The following LTBP2 variants were observed in gnomAD, a reference collection of about 807,000 sequenced individuals.
LTBP2 encodes latent transforming growth factor beta binding protein 2, also known as latent-transforming growth factor beta-binding protein 2.
Under a neutral mutation model 210.6 loss-of-function variants are expected in LTBP2, and 103 were observed. The ratio of observed to expected loss-of-function variants is 0.49; its 90% CI spans 0.42 to 0.58. The LOEUF is 0.58. Among genes scored for constraint, LTBP2 ranks in the 20% least tolerant of loss-of-function variants. The pLI, the probability that LTBP2 is intolerant of heterozygous loss-of-function variation, is 0.00. For synonymous variants in LTBP2, 1,007 were observed against 1,015.0 expected (o/e 0.99, Z 0.15); for missense variants, 2,313 against 2,494.5 (o/e 0.93, Z 1.55).
intron 3 of LTBP2, among the ~76,000 whole-genome samples, chr14:74,564,035 T>TTATATATATATATTTATATATATATA (rs2087832585): frequency 3.1e-5 from 1 of 32,532 alleles, no homozygotes; most frequent in Non-Finnish European, 6.7e-5. Flanking sequence ...ATATATATAT[T>TTATATATATATATTTATATATATATA]TATATATATA....
At position 74,545,520 on chromosome 14, in the gene LTBP2, C is replaced by T. The variant is rs560821486; in HGVS notation, c.1789+4343G>A. The stretch of plus-strand genomic sequence containing the variant: ...AACCCACCCCAGGCAAATGGCAAGA[C>T]GATCTCATGGCAAACAGCTGGAGCC... On this transcript the variant is annotated intron_variant, in intron 8 of 35. Transcript: ENST00000261978. 4.4e-3 allele frequency among the ~76,000 whole-genome samples: 675 copies of T among 152,340 alleles called. 4 individuals are homozygous for T. Among genetic ancestry groups the T allele is most frequent in the Non-Finnish European group, 7.9e-3 (534 of 68,016 alleles).
At position 74,499,084 on chromosome 14, in the gene LTBP2, A is replaced by G. The variant is rs917018488; in HGVS notation, c.*1800T>C. ...GGACATTGCCATATTGTCCTCTTCA[A>G]TATGTACTTCTGTCAGCTGTTATGA... is the stretch of plus-strand genomic sequence containing the variant. On this transcript the variant is annotated 3_prime_UTR_variant, in exon 36 of 36. Coordinates refer to ENST00000261978, the MANE Select transcript of LTBP2 (RefSeq NM_000428.3). 4.6e-6 allele frequency: 1 copy of G among 218,194 alleles called. No individual in the cohort carries two copies. Among genetic ancestry groups the G allele is most frequent in the Non-Finnish European group, 9.2e-6 (1 of 108,638 alleles). 13.5% of individuals were successfully genotyped at this position (218,194 alleles called of 1,614,324 possible).
At position 74,611,450 on chromosome 14, in the gene LTBP2, C is replaced by A. The variant is rs2139815316; in HGVS notation, c.494+1G>T. 2 of 1,489,688 alleles carry A rather than the reference C, an allele frequency of 1.3e-6. No individual in the cohort carries two copies. Among genetic ancestry groups the A allele is most frequent in the South Asian group, 1.4e-5 (1 of 72,970 alleles). The allele number at this position is 1,489,688 out of a possible 1,614,324, so 92.3% of individuals were successfully genotyped here. On this transcript the variant is annotated splice_donor_variant, in intron 1 of 35. Transcript: ENST00000261978. LOFTEE classifies it high-confidence loss of function. Reference sequence around the variant, plus strand: ...TCCAAACTTCCCTCTCCCATGCTCACCCCGTGAGCCGCCCTCGCGGCGGGG... The same window carrying A: ...TCCAAACTTCCCTCTCCCATGCTCAACCCGTGAGCCGCCCTCGCGGCGGGG...
At position 74,551,354 on chromosome 14, in the gene LTBP2, G is replaced by A. The variant is rs2139746402; in HGVS notation, c.1400-4C>T. 1 of 1,560,402 alleles carries A rather than the reference G, an allele frequency of 6.4e-7. No homozygotes were observed. The highest frequency in any genetic ancestry group is 8.7e-7 in the Non-Finnish European group (1 of 1,151,496). ...ACCAGGGAGGGGTTCACGGAGGCTG[G>A]GCACAGGGGCTAGAGTCAGAGCCAG... is the stretch of plus-strand genomic sequence containing the variant. On this transcript the variant is annotated splice_polypyrimidine_tract_variant and splice_region_variant and intron_variant, in intron 6 of 35. Transcript: ENST00000261978.
Position 74,586,258 on chromosome 14 carries a change from G to T in LTBP2, c.566-140C>A. 1.1e-6 allele frequency: 1 copy of T among 939,270 alleles called. No individual in the cohort carries two copies. The highest frequency in any genetic ancestry group is 1.6e-6 in the Non-Finnish European group (1 of 631,900). 58.2% of individuals were successfully genotyped at this position (939,270 alleles called of 1,614,324 possible). A position where few individuals can be genotyped will look rare whatever the true frequency, so the allele number is the denominator to read the frequency against. ...AGGAAGCCACTCTCCTGGCCTCAGG[G>T]GGCTCCCTGACCCATGTCTCTCCCA... On this transcript the variant is annotated intron_variant, in intron 2 of 35. Transcript: ENST00000261978. This position sits in a 1 kb window ranked among gnomAD's most constrained non-coding sequence, Gnocchi z 4.6.
chr14:74,594,309 G>A (rs144971554), intron 2 of LTBP2, among the ~76,000 whole-genome samples: 1 of 152,142 alleles, frequency 6.6e-6, no homozygotes, highest in Non-Finnish European at 1.5e-5. Context: ...GATAGAGGAG[G>A]CACCAACTTC....
chr14:74,520,599 G>T (rs977745808), intron 17 of LTBP2, among the ~76,000 whole-genome samples: 2 of 152,128 alleles, frequency 1.3e-5, no homozygotes, highest in Non-Finnish European at 2.9e-5. Flanking sequence ...TCAGGAGTTC[G>T]AGACCAGCCT....
At chr14:74,579,622 C>A (rs754867795) in intron 3 of LTBP2, among the ~76,000 whole-genome samples, 3 of 152,244 alleles carry the variant, frequency 2.0e-5, no homozygotes, top group Non-Finnish European at 4.4e-5. Flanking sequence ...CTGCCATACG[C>A]TCCCAGCAGT....
At chr14:74,525,937 C>T in intron 14 of LTBP2, 138 bp downstream of exon 14, 2 of 937,900 alleles carry the variant, frequency 2.1e-6, no homozygotes, top group Non-Finnish European at 3.3e-6. Flanking sequence ...AAACAGCACT[C>T]ACAGGCCACG....
intron 3 of LTBP2, 54 bp downstream of exon 3, chr14:74,585,800 C>T: frequency 1.9e-6 from 3 of 1,613,516 alleles, no homozygotes; most frequent in Non-Finnish European, 2.5e-6. Context: ...GAAGAAGCCC[C>T]TCCAAAAAGA....
intron 16 of LTBP2, 96 bp from the exon 17 acceptor site, chr14:74,522,135 G>T (rs2087212747): frequency 2.1e-6 from 3 of 1,418,936 alleles, no homozygotes; most frequent in African/African-American, 1.4e-5. Context: ...GGCTGGGCAG[G>T]GGATGGTGCT....
intron 3 of LTBP2, among the ~76,000 whole-genome samples, chr14:74,564,167 A>G (rs1242981793): frequency 2.3e-5 from 1 of 43,590 alleles, no homozygotes; most frequent in Non-Finnish European, 3.8e-5. Flanking sequence ...ATATATTTAT[A>G]TATATATTTA....
intron 3 of LTBP2, among the ~76,000 whole-genome samples, chr14:74,571,587 C>T (rs1442561966): frequency 1.3e-5 from 2 of 152,348 alleles, no homozygotes; most frequent in Middle Eastern, 3.4e-3. Context: ...TCACACGCTA[C>T]TGCATTTTGT....
rs1406569832 is a variant in LTBP2 at position 74,585,780 on chromosome 14, C to T, written c.830+74G>A. 34 of 1,607,764 alleles carry T rather than the reference C, an allele frequency of 2.1e-5. No individual in the cohort carries two copies. In the East Asian group the frequency reaches 2.2e-4, roughly 11 times the overall value. ...GCCTTCTCCACCAGCCTTCACCAAA[C>T]GGTCCAAAGGAAGAAGCCCCTCCAA... On this transcript the variant is annotated intron_variant, in intron 3 of 35. Transcript: ENST00000261978.
intron 9 of LTBP2, among the ~76,000 whole-genome samples, chr14:74,535,707 G>A (rs547637300): frequency 6.6e-6 from 1 of 152,278 alleles, no homozygotes; most frequent in South Asian, 2.1e-4. Flanking sequence ...AGATGGGGAC[G>A]AGGGGAGGTG....
In LTBP2 at chr14:74,509,278, A is replaced by T. The variant is rs775787660; in HGVS notation, c.3363T>A (p.Asp1121Glu). The change falls in exon 22 of 36, where the codon GAT (aspartate) becomes GAA (glutamate). Residue 1121 changes from aspartate (D) to glutamate (E), a missense_variant. Asp to Glu is a conservative substitution (Grantham distance 45). Around this residue, in one of 3 missense-constraint regions of LTBP2, gnomAD observed 1,867 missense variants for 1,976.9 expected, o/e 0.94. Transcript: ENST00000261978. ...TAGSFSCKDCDGGYRPSPLGD... is the reference protein window; with the variant it reads ...TAGSFSCKDCEGGYRPSPLGD... ...CCAGGGGGCTGGGCCGGTAGCCCCC[A>T]TCGCAGTCCTTGCAGGAGAAGGAGC... 1.9e-6 allele frequency: 3 copies of T among 1,613,504 alleles called. No individual in the cohort carries two copies. The African/African-American group carries it at 4.0e-5, about 22-fold the overall frequency.
At chr14:74,520,052 C>T (rs1318434427) in intron 17 of LTBP2, among the ~76,000 whole-genome samples, 1 of 152,220 alleles carries the variant, frequency 6.6e-6, no homozygotes, top group African/African-American at 2.4e-5. Flanking sequence ...AGACAGTGTC[C>T]AAGCGCTTCA....
At chr14:74,604,021 T>A (rs1318473254) in intron 1 of LTBP2, among the ~76,000 whole-genome samples, 1 of 151,938 alleles carries the variant, frequency 6.6e-6, no homozygotes, top group East Asian at 1.9e-4. Flanking sequence ...GGGGCAACAA[T>A]GACAGTGATC....
Position 74,501,512 on chromosome 14 carries a change from C to A in LTBP2, c.5249G>T (p.Arg1750Leu). 6.2e-7 allele frequency: 1 copy of A among 1,614,176 alleles called. No individual in the cohort carries two copies. The highest frequency in any genetic ancestry group is 8.5e-7 in the Non-Finnish European group (1 of 1,180,034). Residue 1750 changes from arginine to leucine, a missense_variant, in exon 35 of 36, where the codon CGC (arginine) becomes CTC (leucine). Physicochemically the swap from Arg to Leu is moderately radical, Grantham distance 102. Coordinates refer to ENST00000261978, the MANE Select transcript of LTBP2 (RefSeq NM_000428.3). ...GTCACAGGTGTAGCCCTCCCGCACG[C>A]GCACACAGCGGCCATTCTCACAGCC... is the stretch of plus-strand genomic sequence containing the variant. ...LNGCENGRCV[R>L]VREGYTCDCF...
Sources: gnomAD v4.1 joint callset for allele counts (sites outside exome capture counted in the v4.1 genomes callset) on GRCh38, gnomAD v4.1.1 for gene constraint, gnomAD v4.1.1 regional missense constraint, Gnocchi (gnomAD v3.1) non-coding constraint, MANE v1.5 for transcripts, NCBI Gene and HGNC (gene_info 2026-07-23, HGNC 2026-07-21) for gene names.